ENO1: variants seen among roughly 807,000 people sequenced by gnomAD.
ENO1 encodes alpha-enolase.
ENO1 carries 33 observed loss-of-function variants against 46.3 expected under a neutral mutation model. The observed-to-expected ratio is 0.71, with a 90% confidence interval of 0.54 to 0.95. The LOEUF is 0.95. Ranked by LOEUF, ENO1 falls within the 40% of genes least tolerant of loss-of-function variation. The pLI, the probability that ENO1 is intolerant of heterozygous loss-of-function variation, is 0.00. For missense variants in ENO1, 488 were observed against 553.3 expected, an observed-to-expected ratio of 0.88 and a Z score of 1.18; for synonymous variants, 220 against 216.0, an observed-to-expected ratio of 1.02 and a Z score of -0.16.
At chr1:8,872,126 G>A in intron 2 of ENO1, 140 bp from the exon 3 acceptor site, 1 of 674,410 alleles carries the variant, frequency 1.5e-6, no homozygotes, top group East Asian at 2.7e-5. Flanking sequence ...TAAACGCTCT[G>A]GGCTGTTCTT....
In ENO1 at chr1:8,870,466, C is replaced by A. The variant is rs1642606733; in HGVS notation, c.226G>T (p.Ala76Ser). 6.2e-7 allele frequency: 1 copy of A among 1,614,038 alleles called. No individual in the cohort carries two copies. The highest frequency in any genetic ancestry group is 8.5e-7 in the Non-Finnish European group (1 of 1,180,042). ...VEHINKTIAP[A>S]LVSKKLNVTE... ...GCAGGTCCTACCTTGCTAACCAGGG[C>A]AGGCGCAATAGTTTTATTGATGTGC... The change falls in exon 4 of 12, where the codon GCC becomes TCC. Residue 76 changes from alanine (A) to serine (S), a missense_variant. Coordinates refer to ENST00000234590, the MANE Select transcript of ENO1 (RefSeq NM_001428.5).
At chr1:8,867,089 G>A (rs750901262) in intron 6 of ENO1, 28 bp downstream of exon 6, 2 of 1,606,346 alleles carry the variant, frequency 1.2e-6, no homozygotes, top group South Asian at 2.2e-5. Context: ...CCAACTCCTT[G>A]CTTGGGAAGT....
At chr1:8,871,269 C>A (rs1376150427) in intron 3 of ENO1, 3 of 1,006,258 alleles carry the variant, frequency 3.0e-6, no homozygotes, top group East Asian at 2.0e-4. Context: ...GGGTGCCCCA[C>A]TGAGAATGCG....
chr1:8,867,338 C>T, intron 5 of ENO1, 88 bp from the exon 6 acceptor site: 1 of 1,531,508 alleles, frequency 6.5e-7, no homozygotes, highest in Non-Finnish European at 8.9e-7. Context: ...TTGTATTCTG[C>T]ACCATCTCCT....
chr1:8,861,228 T>A lies in ENO1; in HGVS notation c.*132A>T, dbSNP rs1642394462. ...GAAGTTCTAAGGAAGCGGTACGAAC[T>A]CCACGGCGGTGGGGCGCTAACTAGC... On this transcript the variant is annotated 3_prime_UTR_variant, in exon 12 of 12. Coordinates refer to ENST00000234590, the MANE Select transcript of ENO1 (RefSeq NM_001428.5). The A allele has an allele frequency of 9.0e-6, 8 of 886,250 alleles. No homozygotes were observed. The highest frequency in any genetic ancestry group is 1.4e-5 in the Non-Finnish European group (8 of 569,586). The allele number at this position is 886,250 out of a possible 1,614,324, so 54.9% of individuals were successfully genotyped here.
intron 2 of ENO1, among the ~76,000 whole-genome samples, chr1:8,874,126 A>T (rs1642688117): frequency 6.6e-6 from 1 of 152,200 alleles, no homozygotes; most frequent in African/African-American, 2.4e-5. Flanking sequence ...CCTTATCAAG[A>T]GATACCATCC....
intron 1 of ENO1, chr1:8,878,084 G>C (rs1413114433): frequency 1.9e-5 from 3 of 155,132 alleles, no homozygotes; most frequent in African/African-American, 7.2e-5. Flanking sequence ...GGCGAGAGGC[G>C]GGGGCTACCG....
At chr1:8,878,073 G>C (rs558181384) in intron 1 of ENO1, 1 of 155,050 alleles carries the variant, frequency 6.4e-6, no homozygotes, top group East Asian at 1.9e-4. Flanking sequence ...CCGCGAGCGC[G>C]GGCGAGAGGC....
chr1:8,863,091 T>G, intron 10 of ENO1, 144 bp downstream of exon 10: 1 of 1,331,496 alleles, frequency 7.5e-7, no homozygotes, highest in Non-Finnish European at 1.0e-6. Flanking sequence ...AGGGCGCTCA[T>G]GCCCCCATTC....
chr1:8,876,755 G>A (rs1478527771), intron 1 of ENO1, among the ~76,000 whole-genome samples: 9 of 150,740 alleles, frequency 6.0e-5, no homozygotes, highest in African/African-American at 2.0e-4. Flanking sequence ...TCGAGATCGC[G>A]CCACTACACT....
At chr1:8,876,152 G>C (rs1642727509) in intron 1 of ENO1, 1 of 152,122 alleles carries the variant, frequency 6.6e-6, no homozygotes, top group Non-Finnish European at 1.5e-5. Flanking sequence ...ACAACTTATA[G>C]AACTGAGGTG....
chr1:8,866,195 A>T, intron 7 of ENO1, 84 bp downstream of exon 7: 1 of 1,207,176 alleles, frequency 8.3e-7, no homozygotes, highest in Non-Finnish European at 1.2e-6. Flanking sequence ...ATAGATTTCC[A>T]CAGTGGCAGG....
intron 4 of ENO1, among the ~76,000 whole-genome samples, chr1:8,869,921 C>G (rs971342308): frequency 1.3e-5 from 2 of 152,114 alleles, no homozygotes; most frequent in African/African-American, 4.8e-5. Context: ...ACAGGAATTA[C>G]GGAGGGACGG....
At position 8,871,952 on chromosome 1, in the gene ENO1, T is replaced by A. The variant is rs1233901326; in HGVS notation, c.120A>T (p.Ser40=). 6.2e-7 allele frequency: 1 copy of A among 1,613,990 alleles called. No individual in the cohort carries two copies. The highest frequency in any genetic ancestry group is 1.3e-5 in the African/African-American group (1 of 74,902). Reference sequence around the variant, plus strand: ...GCTCTAGGGCCTCATAGATACCAGTTGAAGCACCACTGGGCACAGCAGCTC... The same window carrying A: ...GCTCTAGGGCCTCATAGATACCAGTAGAAGCACCACTGGGCACAGCAGCTC... ...LFRAAVPSGA[S]TGIYEALELR... is the part of the protein sequence containing the mutation. The change falls in exon 3 of 12, where the codon TCA becomes TCT. Residue 40 remains serine, a synonymous_variant. Coordinates refer to ENST00000234590, the MANE Select transcript of ENO1 (RefSeq NM_001428.5).
chr1:8,867,790 AAAGTGTTGGGATTACAG>A (rs1393780832), intron 5 of ENO1, among the ~76,000 whole-genome samples, 181 bp downstream of exon 5: 23 of 152,138 alleles, frequency 1.5e-4, no homozygotes, highest in Non-Finnish European at 2.9e-4. Context: ...TCAGCCTCCT[AAAGTGTTGGGATTACAG>A]GCGTGAGCCA....
At chr1:8,877,302 G>A (rs904313784) in intron 1 of ENO1, among the ~76,000 whole-genome samples, 1 of 151,090 alleles carries the variant, frequency 6.6e-6, no homozygotes, top group African/African-American at 2.4e-5. Context: ...GGTCAGGCTG[G>A]TCTCTAACTC....
intron 11 of ENO1, among the ~76,000 whole-genome samples, chr1:8,862,605 C>T (rs1195659140): frequency 6.6e-6 from 1 of 152,180 alleles, no homozygotes; most frequent in African/African-American, 2.4e-5. Flanking sequence ...GAAAGTCATG[C>T]ATCAGCTGTC....
intron 9 of ENO1, 35 bp downstream of exon 9, chr1:8,863,856 C>T: frequency 1.2e-6 from 2 of 1,611,342 alleles, no homozygotes; most frequent in Non-Finnish European, 1.7e-6. Context: ...CAAGCCGTAG[C>T]TGCGGGAAAG....
In ENO1 at chr1:8,863,358, A is replaced by C. The variant is rs1642444971; in HGVS notation, c.1068-15T>G. ...CCAGCTTGCACCTGGAAGCCAAGGAACAACCCAGATGGCATGATCCCATTT... is the reference window on the plus strand; with the variant it reads ...CCAGCTTGCACCTGGAAGCCAAGGACCAACCCAGATGGCATGATCCCATTT... On this transcript the variant is annotated splice_polypyrimidine_tract_variant and intron_variant, in intron 9 of 11. Coordinates refer to ENST00000234590, the MANE Select transcript of ENO1 (RefSeq NM_001428.5). 5 of 1,609,936 alleles carry C rather than the reference A, an allele frequency of 3.1e-6. No individual in the cohort carries two copies. Among genetic ancestry groups the C allele is most frequent in the Non-Finnish European group, 4.2e-6 (5 of 1,178,038 alleles).
Sources: allele counts gnomAD v4.1 joint callset (sites outside exome capture counted in the v4.1 genomes callset), GRCh38; gene constraint gnomAD v4.1.1; transcripts MANE v1.5; gene names NCBI Gene and HGNC (gene_info 2026-07-23, HGNC 2026-07-21).